KAZN: variants seen among roughly 807,000 people sequenced by gnomAD.
KAZN encodes kazrin.
In KAZN, 40 loss-of-function variants were observed where a neutral mutation model predicts 87.4. That is an observed-to-expected ratio of 0.46 (90% CI 0.36 to 0.60). KAZN has a LOEUF of 0.60. Among genes scored for constraint, KAZN ranks in the 20% least tolerant of loss-of-function variants. KAZN has a pLI of 0.00. For missense variants in KAZN, 898 were observed against 1,073.9 expected, an observed-to-expected ratio of 0.84 and a Z score of 2.29; for synonymous variants, 466 against 458.3, an observed-to-expected ratio of 1.02 and a Z score of -0.22.
intron 1 of KAZN, among the ~76,000 whole-genome samples, chr1:14,693,345 A>G (rs1199053298): frequency 6.6e-6 from 1 of 152,220 alleles, no homozygotes; most frequent in Middle Eastern, 3.2e-3. Flanking sequence ...ACCAGGAGGA[A>G]GGAACCACAG....
In KAZN at chr1:14,830,357, G is replaced by A. The variant is rs552812915; in HGVS notation, c.227-130327G>A. Among the ~76,000 whole-genome samples the A allele has an allele frequency of 2.1e-4, 32 of 152,308 alleles. No homozygotes were observed. The South Asian group carries it at 5.4e-3, about 26-fold the overall frequency. On this transcript the variant is annotated intron_variant, in intron 1 of 14. Transcript: ENST00000376030. Reference sequence around the variant, plus strand: ...CTCTCCTTGGCCCAACTTGGGTGACGTGTTCATCCCTGAATGTATCACAGA... The same window carrying A: ...CTCTCCTTGGCCCAACTTGGGTGACATGTTCATCCCTGAATGTATCACAGA...
At chr1:13,929,549 G>T (rs1298970250) in intron 1 of KAZN, among the ~76,000 whole-genome samples, 2 of 152,158 alleles carry the variant, frequency 1.3e-5, no homozygotes, top group East Asian at 1.9e-4. Context: ...CTGGGGCTTT[G>T]GTGCTAGCCT....
chr1:14,892,621 G>A (rs1329922047), intron 1 of KAZN, among the ~76,000 whole-genome samples: 2 of 152,150 alleles, frequency 1.3e-5, no homozygotes, highest in African/African-American at 4.8e-5. Flanking sequence ...ACCCCAGAAG[G>A]TGTCTCCAGA....
intron 2 of KAZN, among the ~76,000 whole-genome samples, chr1:14,242,477 G>A (rs1213410063): frequency 6.6e-6 from 1 of 152,158 alleles, no homozygotes; most frequent in East Asian, 1.9e-4. Flanking sequence ...AATTACATAT[G>A]TATTTGAACA....
intron 2 of KAZN, among the ~76,000 whole-genome samples, chr1:14,376,526 C>T (rs913572410): frequency 2.0e-5 from 3 of 152,144 alleles, no homozygotes; most frequent in Admixed American, 6.6e-5. Flanking sequence ...AAGGCCTTCA[C>T]CAGATGCCAG....
intron 2 of KAZN, among the ~76,000 whole-genome samples, chr1:14,225,541 T>C (rs1241800110): frequency 6.6e-6 from 1 of 152,032 alleles, no homozygotes; most frequent in Non-Finnish European, 1.5e-5. Flanking sequence ...TAAAATTCAT[T>C]TGAAACAAAA....
intron 1 of KAZN, among the ~76,000 whole-genome samples, chr1:14,059,128 C>A (rs1209752546): frequency 6.6e-6 from 1 of 152,140 alleles, no homozygotes. Context: ...CAGGGTTCTC[C>A]AGAGGGACAG....
rs142583929 is a variant in KAZN at position 14,419,946 on chromosome 1, A to C, written c.250-179037A>C. Among the ~76,000 whole-genome samples, 52 of 152,232 alleles carry C rather than the reference A, an allele frequency of 3.4e-4. No homozygotes were observed. In the East Asian group the frequency reaches 9.3e-3, roughly 27 times the overall value. ...AGAGCGAAAGAACAAAACTTCCACA[A>C]GGTGGAAGGGAACATTAGGGGATTG... On this transcript the variant is annotated intron_variant, in intron 2 of 16. Coordinates refer to the KAZN transcript ENST00000636203.
In KAZN at chr1:15,021,377, C is replaced by T. The variant is rs1041551301; in HGVS notation, c.419-13372C>T. Among the ~76,000 whole-genome samples, 9 of 152,148 alleles carry T rather than the reference C, an allele frequency of 5.9e-5. No homozygotes were observed. The highest frequency in any genetic ancestry group is 4.1e-4 in the South Asian group (2 of 4,828). ...CTCCCGCTTCAACCTAGGGAATGTC[C>T]GTGTTCCGGGCCCATTCCCTGCCAC... is the stretch of plus-strand genomic sequence containing the variant. On this transcript the variant is annotated intron_variant, in intron 2 of 14. Coordinates refer to ENST00000376030, the MANE Select transcript of KAZN (RefSeq NM_201628.3). The surrounding 1 kb of genome is among the most constrained non-coding windows in gnomAD (Gnocchi z 4.2).
At chr1:13,980,037 C>T (rs940948995) in intron 1 of KAZN, among the ~76,000 whole-genome samples, 3 of 151,698 alleles carry the variant, frequency 2.0e-5, no homozygotes, top group South Asian at 2.1e-4. Context: ...AAGTGTTAGA[C>T]GGTTCTGACA....
At chr1:14,191,527 A>T (rs1364408876) in intron 2 of KAZN, among the ~76,000 whole-genome samples, 2 of 152,136 alleles carry the variant, frequency 1.3e-5, no homozygotes, top group Non-Finnish European at 2.9e-5. Context: ...TCTAAGAGAC[A>T]GTCTTTTATC....
Position 15,056,987 on chromosome 1 carries a change from G to T in KAZN, c.916+707G>T, listed in dbSNP as rs1429783419. Among the ~76,000 whole-genome samples, 1 of 152,268 alleles carries T rather than the reference G, an allele frequency of 6.6e-6. No individual in the cohort carries two copies. The highest frequency in any genetic ancestry group is 6.5e-5 in the Admixed American group (1 of 15,282). On this transcript the variant is annotated intron_variant, in intron 5 of 14. Coordinates refer to ENST00000376030, the MANE Select transcript of KAZN (RefSeq NM_201628.3). This position sits in a 1 kb window ranked among gnomAD's most constrained non-coding sequence, Gnocchi z 5.4. ...AGTTGGGAACAGGCATCCAGCAGCA[G>T]CCAATGCACCAGAGGTAAGAGCTGG...
chr1:13,922,653 T>G (rs1338164075), intron 1 of KAZN, among the ~76,000 whole-genome samples: 1 of 152,088 alleles, frequency 6.6e-6, no homozygotes, highest in South Asian at 2.1e-4. Context: ...CTCTCCCAGA[T>G]TTACAGCTTT....
chr1:14,842,909 T>C (rs544207155), intron 1 of KAZN, among the ~76,000 whole-genome samples: 8 of 152,036 alleles, frequency 5.3e-5, no homozygotes, highest in Non-Finnish European at 1.0e-4. Context: ...TTAACTGGGG[T>C]TTTTGTTGCT....
intron 1 of KAZN, among the ~76,000 whole-genome samples, chr1:14,950,340 C>T (rs1475824733): frequency 1.3e-5 from 2 of 151,952 alleles, no homozygotes; most frequent in Non-Finnish European, 2.9e-5. Flanking sequence ...TGGGAGGGTC[C>T]GTTTGGCAAA....
chr1:14,684,152 G>T (rs897615319), intron 1 of KAZN, among the ~76,000 whole-genome samples: 2 of 152,124 alleles, frequency 1.3e-5, no homozygotes, highest in African/African-American at 4.8e-5. Context: ...TCTTCACAAG[G>T]CTTGATGTGC....
intron 2 of KAZN, among the ~76,000 whole-genome samples, chr1:14,390,256 A>G (rs1662301752): frequency 6.6e-6 from 1 of 152,372 alleles, no homozygotes; most frequent in East Asian, 1.9e-4. Flanking sequence ...TACAAAAAAC[A>G]GGCTCTTGTA....
chr1:14,338,913 T>C (rs897153647), intron 2 of KAZN, among the ~76,000 whole-genome samples: 1 of 152,168 alleles, frequency 6.6e-6, no homozygotes, highest in African/African-American at 2.4e-5. Context: ...GGGACCCACA[T>C]AGGAGAGCCA....
intron 1 of KAZN, among the ~76,000 whole-genome samples, chr1:14,901,729 G>A (rs941765810): frequency 1.3e-5 from 2 of 152,182 alleles, no homozygotes; most frequent in Non-Finnish European, 2.9e-5. Context: ...AGCCATTGTG[G>A]GAGAAGCTCC....
Sources: gnomAD v4.1 joint callset for allele counts (sites outside exome capture counted in the v4.1 genomes callset) on GRCh38, gnomAD v4.1.1 for gene constraint, Gnocchi (gnomAD v3.1) non-coding constraint, MANE v1.5 for transcripts, NCBI Gene and HGNC (gene_info 2026-07-23, HGNC 2026-07-21) for gene names.